Variants in GABBR2 observed in about 807,000 individuals in gnomAD.
The protein encoded by GABBR2 is gamma-aminobutyric acid type B receptor subunit 2, also known as G-protein coupled receptor 51.
Under a neutral mutation model 105.6 loss-of-function variants are expected in GABBR2, and 23 were observed. The ratio of observed to expected loss-of-function variants is 0.22; its 90% CI spans 0.16 to 0.31. The LOEUF is 0.31. GABBR2 is among the 10% of genes least tolerant of loss of function. The pLI, the probability that GABBR2 is intolerant of heterozygous loss-of-function variation, is 1.00. For missense variants in GABBR2, 734 were observed against 1,245.5 expected (o/e 0.59, Z 6.18); for synonymous variants, 478 against 499.7 (o/e 0.96, Z 0.58).
In GABBR2 at chr9:98,436,366, T is replaced by C. The variant is rs867912019; in HGVS notation, c.1236+17615A>G. 6.7e-4 allele frequency among the ~76,000 whole-genome samples: 6 copies of C among 9,000 alleles called. 1 individual carries two copies. The highest frequency in any genetic ancestry group is 8.5e-3 in the East Asian group (2 of 236). The allele number at this position is 9,000 out of a possible 152,430, so 5.9% of individuals were successfully genotyped here. On this transcript the variant is annotated intron_variant, in intron 7 of 18. Coordinates refer to ENST00000259455, the MANE Select transcript of GABBR2 (RefSeq NM_005458.8). The stretch of plus-strand genomic sequence containing the variant: ...CACACACCATATATATATATATATA[T>C]ATATATATATATATATATATATATA...
At chr9:98,294,723 C>A (rs945222906) in intron 17 of GABBR2, among the ~76,000 whole-genome samples, 1 of 152,320 alleles carries the variant, frequency 6.6e-6, no homozygotes, top group East Asian at 1.9e-4. Context: ...GGTGATCCAA[C>A]TGCCTTAGTC....
chr9:98,685,653 GACAA>G (rs1461716136), intron 1 of GABBR2, among the ~76,000 whole-genome samples: 2 of 152,178 alleles, frequency 1.3e-5, no homozygotes, highest in Non-Finnish European at 2.9e-5. Flanking sequence ...TTCGTCCCAT[GACAA>G]ACAGTGTCTC....
chr9:98,501,556 C>T (rs1827400839), intron 3 of GABBR2, among the ~76,000 whole-genome samples: 1 of 152,182 alleles, frequency 6.6e-6, no homozygotes, highest in South Asian at 2.1e-4. Flanking sequence ...GAGCACTGGG[C>T]TCAGTTCTGC....
At chr9:98,430,575 C>T (rs1476268075) in intron 7 of GABBR2, among the ~76,000 whole-genome samples, 1 of 152,194 alleles carries the variant, frequency 6.6e-6, no homozygotes, top group Non-Finnish European at 1.5e-5. Context: ...CCTGTCTTTT[C>T]CTTTCTGCTG....
In GABBR2 at chr9:98,328,201, C is replaced by T. The variant is rs139920351; in HGVS notation, c.1894-16996G>A. 1.2e-3 allele frequency among the ~76,000 whole-genome samples: 184 copies of T among 151,930 alleles called. 1 individual carries two copies. The highest frequency in any genetic ancestry group is 4.2e-3 in the African/African-American group (174 of 41,430). ...GTCCCAGGGTTCAATTCCCGTGCTT[C>T]CTCCCCCTAGACTTCTTAGTGTCTA... On this transcript the variant is annotated intron_variant, in intron 13 of 18. Transcript: ENST00000259455.
intron 2 of GABBR2, among the ~76,000 whole-genome samples, chr9:98,571,942 G>T (rs1828838752): frequency 1.3e-5 from 2 of 152,168 alleles, no homozygotes; most frequent in African/African-American, 4.8e-5. Flanking sequence ...TGGAGGCCTG[G>T]ACTCCTCCCT....
At chr9:98,516,731 G>A (rs1211245642) in intron 3 of GABBR2, among the ~76,000 whole-genome samples, 1 of 152,170 alleles carries the variant, frequency 6.6e-6, no homozygotes, top group African/African-American at 2.4e-5. Context: ...CCCAGCACAA[G>A]GCTTGGCACA....
intron 1 of GABBR2, among the ~76,000 whole-genome samples, chr9:98,658,961 T>G (rs1299673902): frequency 2.6e-5 from 4 of 152,236 alleles, no homozygotes; most frequent in African/African-American, 9.6e-5. Flanking sequence ...TTCCATGTAC[T>G]CAAAGCCAAT....
chr9:98,588,900 A>G (rs1456383016), intron 1 of GABBR2, among the ~76,000 whole-genome samples: 1 of 152,196 alleles, frequency 6.6e-6, no homozygotes, highest in Non-Finnish European at 1.5e-5. Flanking sequence ...AAGGACCTGA[A>G]ACAGGAAGAA....
At chr9:98,651,762 A>G (rs1830109466) in intron 1 of GABBR2, among the ~76,000 whole-genome samples, 1 of 152,222 alleles carries the variant, frequency 6.6e-6, no homozygotes, top group Admixed American at 6.5e-5. Flanking sequence ...TGTTTAAGAG[A>G]TATGTCAACC....
chr9:98,353,811 G>A (rs1005707593), intron 13 of GABBR2, among the ~76,000 whole-genome samples: 1 of 152,114 alleles, frequency 6.6e-6, no homozygotes, highest in Non-Finnish European at 1.5e-5. Flanking sequence ...CATGGTGGGG[G>A]GGGGTGGCGG....
intron 2 of GABBR2, among the ~76,000 whole-genome samples, chr9:98,551,689 G>A (rs1046764454): frequency 2.6e-5 from 4 of 152,192 alleles, no homozygotes; most frequent in Admixed American, 2.0e-4. Context: ...TTCAGGGCCT[G>A]CATACTGAAC....
At chr9:98,302,320 C>T (rs1282616398) in intron 16 of GABBR2, among the ~76,000 whole-genome samples, 1 of 152,172 alleles carries the variant, frequency 6.6e-6, no homozygotes, top group African/African-American at 2.4e-5. Flanking sequence ...CCTCCTGACA[C>T]TGTGAACAGG....
At chr9:98,706,093 A>G (rs1440596186) in intron 1 of GABBR2, among the ~76,000 whole-genome samples, 7 of 84,300 alleles carry the variant, frequency 8.3e-5, no homozygotes, top group Non-Finnish European at 1.7e-4. Flanking sequence ...ACAAAAACAA[A>G]ACAAAACAAA....
At chr9:98,685,129 A>G (rs1185288854) in intron 1 of GABBR2, among the ~76,000 whole-genome samples, 1 of 152,214 alleles carries the variant, frequency 6.6e-6, no homozygotes, top group Non-Finnish European at 1.5e-5. Flanking sequence ...GGCAGAGGAA[A>G]ATGGAAGGAC....
chr9:98,405,528 C>A (rs149195551), intron 8 of GABBR2, among the ~76,000 whole-genome samples: 2 of 152,102 alleles, frequency 1.3e-5, no homozygotes, highest in East Asian at 1.9e-4. Flanking sequence ...TAGAGTCATG[C>A]GGGAAGGCAG....
chr9:98,707,646 C>T (rs1488067720), intron 1 of GABBR2, among the ~76,000 whole-genome samples: 3 of 152,252 alleles, frequency 2.0e-5, no homozygotes, highest in Admixed American at 1.3e-4. Flanking sequence ...ATGCTTCAAG[C>T]CTGAGCCGTG....
intron 13 of GABBR2, among the ~76,000 whole-genome samples, chr9:98,317,139 T>C (rs1402041439): frequency 6.6e-6 from 1 of 152,216 alleles, no homozygotes; most frequent in Non-Finnish European, 1.5e-5. Context: ...TGCGCTTTGG[T>C]GCTGCGAGCT....
At chr9:98,666,381 T>G (rs1830333912) in intron 1 of GABBR2, among the ~76,000 whole-genome samples, 1 of 152,202 alleles carries the variant, frequency 6.6e-6, no homozygotes, top group African/African-American at 2.4e-5. Flanking sequence ...CTTGGAGAAT[T>G]CATGCTTCTC....
Sources: allele counts gnomAD v4.1 joint callset (sites outside exome capture counted in the v4.1 genomes callset), GRCh38; gene constraint gnomAD v4.1.1; transcripts MANE v1.5; gene names NCBI Gene and HGNC (gene_info 2026-07-23, HGNC 2026-07-21).